SRD5A3: variants seen among roughly 807,000 people sequenced by gnomAD.
SRD5A3 encodes polyprenal reductase.
Under a neutral mutation model 34.3 loss-of-function variants are expected in SRD5A3, and 24 were observed. The observed-to-expected ratio is 0.70, with a 90% CI of 0.51 to 0.99. The LOEUF (loss-of-function observed/expected upper bound fraction) is 0.99. SRD5A3 is among the 50% of genes least tolerant of loss of function. SRD5A3 has a pLI of 0.00. For missense variants in SRD5A3, 350 were observed against 388.2 expected, an observed-to-expected ratio of 0.90 and a Z score of 0.83; for synonymous variants, 161 against 167.3, an observed-to-expected ratio of 0.96 and a Z score of 0.29.
chr4:55,360,718 C>T (rs1329478783), intron 2 of SRD5A3, among the ~76,000 whole-genome samples: 3 of 134,932 alleles, frequency 2.2e-5, no homozygotes, highest in Admixed American at 8.1e-5. Context: ...GATGGAGTTT[C>T]GCTCTTATTG....
At chr4:55,368,376 CA>C (rs1385534546) in intron 4 of SRD5A3, among the ~76,000 whole-genome samples, 1,358 of 135,524 alleles carry the variant, frequency 0.01, 18 homozygotes, top group African/African-American at 0.034. Flanking sequence ...TAGACTGTCT[CA>C]AAAAAAAAAA....
intron 3 of SRD5A3, 148 bp downstream of exon 3, chr4:55,364,419 G>T (rs183375758): frequency 6.4e-6 from 6 of 932,108 alleles, no homozygotes; most frequent in East Asian, 2.6e-5. Context: ...GACTCAAGTC[G>T]ATTTTAAAAG....
intron 4 of SRD5A3, 99 bp downstream of exon 4, chr4:55,367,821 C>A: frequency 6.7e-7 from 1 of 1,482,534 alleles, no homozygotes; most frequent in Non-Finnish European, 9.4e-7. Context: ...AGTTAGTTGA[C>A]TGTATCAAAT....
chr4:55,350,874 T>G (rs557386417), intron 1 of SRD5A3, among the ~76,000 whole-genome samples: 1 of 151,492 alleles, frequency 6.6e-6, no homozygotes, highest in Non-Finnish European at 1.5e-5. Context: ...GCGATTCTCC[T>G]GCCTCAGCAC....
chr4:55,368,311 G>A (rs1293956112), intron 4 of SRD5A3, among the ~76,000 whole-genome samples: 3 of 151,292 alleles, frequency 2.0e-5, no homozygotes, highest in African/African-American at 4.9e-5. Context: ...CCTGGGAGGC[G>A]GAGGTTGCAG....
chr4:55,370,010 C>T lies in SRD5A3; in HGVS notation c.876C>T (p.Ala292=). The T allele has an allele frequency of 6.2e-7, 1 of 1,614,174 alleles. No homozygotes were observed. The highest frequency in any genetic ancestry group is 8.5e-7 in the Non-Finnish European group (1 of 1,180,034). Residue 292 remains alanine (A), a synonymous_variant, in exon 5 of 5, where the codon GCC becomes GCT. Coordinates refer to ENST00000264228, the MANE Select transcript of SRD5A3 (RefSeq NM_024592.5). ...TCTTCTTTAATCAGGCCCTGTCTGC[C>T]TTTCTCAGCCACCAATTCTACAAAA... ...TNVFFNQALS[A]FLSHQFYKSK...
rs773035212 is a variant in SRD5A3, at chr4:55,346,456, C to G, written c.120C>G (p.Leu40=). The G allele has an allele frequency of 5.6e-6, 9 of 1,607,606 alleles. No individual in the cohort carries two copies. The East Asian group carries it at 2.0e-4, about 36-fold the overall frequency. The change falls in exon 1 of 5, where the codon CTC becomes CTG. Residue 40 remains leucine, a synonymous_variant. Transcript: ENST00000264228. ...LLLQLLPPGL[L]PGCAIFQDLI... ...TGCAGCTCCTGCCGCCCGGCCTGCTCCCGGGCTGCGCGATCTTCCAGGACC... is the reference window on the plus strand; with the variant it reads ...TGCAGCTCCTGCCGCCCGGCCTGCTGCCGGGCTGCGCGATCTTCCAGGACC...
Position 55,370,431 on chromosome 4 carries a change from TCACACA to T in SRD5A3, c.*377_*382del, listed in dbSNP as rs3034886. 980 of 225,740 alleles carry T rather than the reference TCACACA, an allele frequency of 4.3e-3. 4 individuals are homozygous for T. Among genetic ancestry groups the T allele is most frequent in the South Asian group, 0.018 (290 of 16,386 alleles). The allele number at this position is 225,740 out of a possible 1,614,324, so 14.0% of individuals were successfully genotyped here. On this transcript the variant is annotated 3_prime_UTR_variant, in exon 5 of 5. Transcript: ENST00000264228. The stretch of plus-strand genomic sequence containing the variant: ...AAAAACCGAAAATATACAAACAGCT[TCACACA>T]CACACACACACACACACACACACAC...
chr4:55,363,472 TA>T (rs1719762581), intron 2 of SRD5A3, among the ~76,000 whole-genome samples: 1 of 151,458 alleles, frequency 6.6e-6, no homozygotes, highest in African/African-American at 2.4e-5. Flanking sequence ...AACCAAAAAA[TA>T]AAAAACAAAA....
At chr4:55,349,636 G>A (rs1266978495) in intron 1 of SRD5A3, among the ~76,000 whole-genome samples, 3 of 151,772 alleles carry the variant, frequency 2.0e-5, no homozygotes, top group Admixed American at 6.6e-5. Flanking sequence ...AGGTGACCTC[G>A]AACATGTATC....
At chr4:55,351,549 C>A (rs112279564) in intron 1 of SRD5A3, among the ~76,000 whole-genome samples, 2,051 of 151,728 alleles carry the variant, frequency 0.014, 45 homozygotes, top group African/African-American at 0.047. Context: ...GCTGGCCACT[C>A]GGGAGGCTGA....
chr4:55,359,553 G>C, intron 2 of SRD5A3, 65 bp downstream of exon 2: 1 of 1,606,080 alleles, frequency 6.2e-7, no homozygotes, highest in Non-Finnish European at 8.5e-7. Flanking sequence ...CTGCAAGGGA[G>C]CAGTTTTTGG....
At chr4:55,360,008 C>T (rs6554273) in intron 2 of SRD5A3, among the ~76,000 whole-genome samples, 65,583 of 151,118 alleles carry the variant, frequency 0.43, 14,830 homozygotes, top group East Asian at 0.82. Context: ...GTCAGGAGAT[C>T]GAGACCATCC....
intron 1 of SRD5A3, among the ~76,000 whole-genome samples, chr4:55,347,444 T>C (rs1009614722): frequency 6.6e-6 from 1 of 151,906 alleles, no homozygotes; most frequent in Non-Finnish European, 1.5e-5. Context: ...GGCTGGGAAA[T>C]ATAGTGAGAC....
chr4:55,367,487 G>A (rs767252121), intron 3 of SRD5A3, 101 bp from the exon 4 acceptor site: 34 of 1,380,740 alleles, frequency 2.5e-5, no homozygotes, highest in African/African-American at 1.3e-4. Flanking sequence ...ATTGAGGAAC[G>A]GAATAAGTGG....
intron 1 of SRD5A3, among the ~76,000 whole-genome samples, chr4:55,350,689 T>C (rs553184424): frequency 1.3e-5 from 2 of 152,244 alleles, no homozygotes; most frequent in East Asian, 1.9e-4. Context: ...ACACACTGTA[T>C]AACGTAAATC....
chr4:55,347,637 T>C (rs11133372), intron 1 of SRD5A3, among the ~76,000 whole-genome samples: 2 of 151,322 alleles, frequency 1.3e-5, no homozygotes, highest in African/African-American at 4.9e-5. Flanking sequence ...TTAAAAAAAA[T>C]TTTTTTTTAA....
Position 55,346,323 on chromosome 4 carries a change from C to T in SRD5A3, c.-14C>T, listed in dbSNP as rs967727708. On this transcript the variant is annotated 5_prime_UTR_variant, in exon 1 of 5. Transcript: ENST00000264228. ...GTGGGGGCGCCAGCAGCGCGGAAGG[C>T]GGGCACGCGGGCCATGGCTCCCTGG... is the stretch of plus-strand genomic sequence containing the variant. 22 of 1,417,878 alleles carry T rather than the reference C, an allele frequency of 1.6e-5. No individual in the cohort carries two copies. The highest frequency in any genetic ancestry group is 1.9e-5 in the Non-Finnish European group (21 of 1,089,868). 87.8% of individuals were successfully genotyped at this position (1,417,878 alleles called of 1,614,324 possible). A position where few individuals can be genotyped will look rare whatever the true frequency, so the allele number is the denominator to read the frequency against.
Position 55,369,871 on chromosome 4 carries a change from A to G in SRD5A3, c.737A>G (p.Asp246Gly). 1 of 1,614,016 alleles carries G rather than the reference A, an allele frequency of 6.2e-7. No homozygotes were observed. Among genetic ancestry groups the G allele is most frequent in the Middle Eastern group, 1.7e-4 (1 of 6,060 alleles). Residue 246 changes from aspartate to glycine, a missense_variant, in exon 5 of 5, where the codon GAC (aspartate) becomes GGC (glycine). Transcript: ENST00000264228. ...TGTAACCACAGGATCCCATTTGGAG[A>G]CTGGTTTGAATATGTTTCTTCCCCT... The part of the protein sequence containing the change: ...IHCNHRIPFG[D>G]WFEYVSSPNY...
Sources: allele counts gnomAD v4.1 joint callset (sites outside exome capture counted in the v4.1 genomes callset), GRCh38; gene constraint gnomAD v4.1.1; transcripts MANE v1.5; gene names NCBI Gene and HGNC (gene_info 2026-07-23, HGNC 2026-07-21).